The following NBEA variants were observed in gnomAD, a reference collection of about 807,000 sequenced individuals.
NBEA encodes neurobeachin.
In NBEA, 44 loss-of-function variants were observed where a neutral mutation model predicts 343.4. The observed-to-expected ratio is 0.13, with a 90% CI of 0.10 to 0.16. The LOEUF (loss-of-function observed/expected upper bound fraction) is 0.16, where lower values mean the gene tolerates loss of function less well. Among genes scored for constraint, NBEA ranks in the 10% least tolerant of loss-of-function variants. NBEA has a pLI of 1.00. For synonymous variants in NBEA, 1,175 were observed against 1,238.7 expected (o/e 0.95, Z 1.08); for missense variants, 2,555 against 3,631.3 (o/e 0.70, Z 7.62).
intron 36 of NBEA, among the ~76,000 whole-genome samples, chr13:35,318,210 C>G (rs994546723): frequency 1.3e-5 from 2 of 152,068 alleles, no homozygotes; most frequent in African/African-American, 4.8e-5. Flanking sequence ...CAGTTTTTGC[C>G]CATTCGGTAT....
In NBEA at chr13:35,195,924, A is replaced by G. The variant is rs183652403; in HGVS notation, c.4988A>G (p.Asp1663Gly). Residue 1663 changes from aspartate to glycine, a missense_variant, in exon 31 of 59, where the codon GAT (aspartate) becomes GGT (glycine). By Grantham distance (94) the Asp-to-Gly change is moderately conservative (BLOSUM62 -1). Around this residue, in one of 21 missense-constraint regions of NBEA, gnomAD observed 270 missense variants for 293.3 expected, o/e 0.92. Transcript: ENST00000379939. The part of the protein sequence containing the change: ...KEKETPTPGE[D>G]IQVESSIPHT... ...AAAGAAACACCAACTCCTGGTGAAGATATTCAGGTAGAAAGTTCAATTCCC... is the reference window on the plus strand; with the variant it reads ...AAAGAAACACCAACTCCTGGTGAAGGTATTCAGGTAGAAAGTTCAATTCCC... 1.4e-4 allele frequency: 225 copies of G among 1,613,248 alleles called. No homozygotes were observed. The highest frequency in any genetic ancestry group is 9.9e-4 in the Middle Eastern group (6 of 6,054).
At chr13:34,952,741 GAT>G (rs1273918271) in intron 1 of NBEA, among the ~76,000 whole-genome samples, 1 of 152,008 alleles carries the variant, frequency 6.6e-6, no homozygotes, top group East Asian at 1.9e-4. Flanking sequence ...AAAATATCTA[GAT>G]ATATTTCTCT....
In NBEA at chr13:34,972,454, A is replaced by G. The variant is rs185422152; in HGVS notation, c.294+29340A>G. ...CTTGAGATCTCTCTAATTTTTTAAT[A>G]TAGGCATTTAGTGTTATAAATTTCT... On this transcript the variant is annotated intron_variant, in intron 1 of 58. Transcript: ENST00000379939. 1.7e-3 allele frequency among the ~76,000 whole-genome samples: 262 copies of G among 152,228 alleles called. 1 individual carries two copies. Among genetic ancestry groups the G allele is most frequent in the African/African-American group, 6.1e-3 (255 of 41,560 alleles).
intron 48 of NBEA, among the ~76,000 whole-genome samples, chr13:35,607,266 G>A (rs1488887536): frequency 1.3e-5 from 2 of 152,130 alleles, no homozygotes; most frequent in Non-Finnish European, 2.9e-5. Flanking sequence ...TATGTTGCAC[G>A]CACTGATCTT....
At chr13:35,416,183 G>C (rs553981323) in intron 38 of NBEA, among the ~76,000 whole-genome samples, 40 of 152,240 alleles carry the variant, frequency 2.6e-4, no homozygotes, top group South Asian at 1.7e-3. Context: ...TCTGCAAACA[G>C]GGACAATTTG....
At chr13:34,992,232 GTGTGTGTA>G (rs2060781749) in intron 1 of NBEA, among the ~76,000 whole-genome samples, 3 of 112,458 alleles carry the variant, frequency 2.7e-5, no homozygotes, top group Non-Finnish European at 5.8e-5. Context: ...ATGTGTGTGT[GTGTGTGTA>G]TATATATATA....
intron 41 of NBEA, among the ~76,000 whole-genome samples, chr13:35,536,688 T>A (rs199995191): frequency 3.6e-5 from 5 of 139,258 alleles, no homozygotes; most frequent in Non-Finnish European, 6.3e-5. Context: ...AGACAGACAG[T>A]CAGTCCTGGA....
chr13:35,285,824 A>C (rs1176375531), intron 34 of NBEA, among the ~76,000 whole-genome samples: 1 of 152,160 alleles, frequency 6.6e-6, no homozygotes, highest in African/African-American at 2.4e-5. Flanking sequence ...ATGATAGGAT[A>C]GTGTGCCATG....
chr13:35,606,668 A>G, intron 48 of NBEA, 90 bp downstream of exon 48: 10 of 976,272 alleles, frequency 1.0e-5, no homozygotes, highest in Non-Finnish European at 1.4e-5. Context: ...CTATAATATT[A>G]CCAATTATAC....
At chr13:35,608,689 T>C (rs998699463) in intron 48 of NBEA, among the ~76,000 whole-genome samples, 9 of 152,210 alleles carry the variant, frequency 5.9e-5, no homozygotes, top group African/African-American at 2.2e-4. Context: ...ACTGAATGAA[T>C]CCTTCACTCC....
At chr13:34,968,520 G>T (rs566733644) in intron 1 of NBEA, among the ~76,000 whole-genome samples, 3 of 152,078 alleles carry the variant, frequency 2.0e-5, no homozygotes, top group African/African-American at 7.2e-5. Flanking sequence ...AGAATTGGGG[G>T]CAAAGACCAA....
chr13:35,136,701 G>A (rs1403944424), intron 17 of NBEA, among the ~76,000 whole-genome samples: 1 of 152,202 alleles, frequency 6.6e-6, no homozygotes, highest in Non-Finnish European at 1.5e-5. Context: ...ATAATGCAGT[G>A]TCTGCAAGTT....
intron 31 of NBEA, among the ~76,000 whole-genome samples, chr13:35,205,395 G>T (rs1351410769): frequency 6.6e-6 from 1 of 152,168 alleles, no homozygotes; most frequent in South Asian, 2.1e-4. Flanking sequence ...CTTCTTGTTG[G>T]TCCTAATTTG....
chr13:35,514,614 G>A (rs2077412799), intron 41 of NBEA, among the ~76,000 whole-genome samples: 1 of 152,068 alleles, frequency 6.6e-6, no homozygotes. Flanking sequence ...AAATAATTTA[G>A]TACTTTGGTG....
intron 34 of NBEA, among the ~76,000 whole-genome samples, chr13:35,286,762 G>A (rs1374729929): frequency 1.3e-5 from 2 of 151,792 alleles, no homozygotes; most frequent in African/African-American, 2.4e-5. Context: ...ATCATTTGTG[G>A]CAGTTTTTTG....
intron 1 of NBEA, among the ~76,000 whole-genome samples, chr13:34,981,602 G>T (rs1421425823): frequency 6.6e-6 from 1 of 152,130 alleles, no homozygotes; most frequent in African/African-American, 2.4e-5. Context: ...AAGGATTTGT[G>T]TGTCTGTGTT....
chr13:35,277,256 C>A (rs74242322), intron 34 of NBEA, among the ~76,000 whole-genome samples: 6,266 of 152,078 alleles, frequency 0.041, 266 homozygotes, highest in East Asian at 0.15. Context: ...TTAAACCTGG[C>A]AGAGACCAGG....
chr13:35,146,043 T>C (rs974576169), intron 18 of NBEA, among the ~76,000 whole-genome samples: 3 of 152,192 alleles, frequency 2.0e-5, no homozygotes, highest in Non-Finnish European at 2.9e-5. Context: ...CATGTATTAC[T>C]TTCCCAGGAG....
At chr13:35,140,597 T>A (rs915462158) in intron 17 of NBEA, among the ~76,000 whole-genome samples, 6 of 152,152 alleles carry the variant, frequency 3.9e-5, no homozygotes, top group African/African-American at 1.4e-4. Flanking sequence ...AGCTTCCTTT[T>A]GAGTTTAGGT....
Sources: gnomAD v4.1 joint callset for allele counts (sites outside exome capture counted in the v4.1 genomes callset) on GRCh38, gnomAD v4.1.1 for gene constraint, gnomAD v4.1.1 regional missense constraint, MANE v1.5 for transcripts, NCBI Gene and HGNC (gene_info 2026-07-23, HGNC 2026-07-21) for gene names.